GNL3L: variants seen among roughly 807,000 people sequenced by gnomAD.
The protein encoded by GNL3L is G protein nucleolar 3 like.
A neutral mutation model predicts 42.9 loss-of-function variants in GNL3L; 4 were observed. The observed-to-expected ratio is 0.09, with a 90% CI of 0.05 to 0.21. The LOEUF (loss-of-function observed/expected upper bound fraction) is 0.21. GNL3L is among the 10% of genes least tolerant of loss of function. GNL3L has a pLI of 1.00. For synonymous variants in GNL3L, 159 were observed against 176.3 expected, an observed-to-expected ratio of 0.90 and a Z score of 0.78; for missense variants, 412 against 481.7, an observed-to-expected ratio of 0.86 and a Z score of 1.36.
At chrX:54,573,480 A>G (rs1202213422) in intron 16 of GNL3L, among the ~76,000 whole-genome samples, 3 of 108,740 alleles carry the variant, frequency 2.8e-5, no homozygotes, top group Non-Finnish European at 5.7e-5. Flanking sequence ...TCGGCTGGGC[A>G]TGAGAGGGAG....
chrX:54,549,661 G>C (rs914191079), intron 9 of GNL3L, among the ~76,000 whole-genome samples: 2 of 112,611 alleles, frequency 1.8e-5, no homozygotes, highest in Non-Finnish European at 1.9e-5. Context: ...GTTACAGTGA[G>C]TTGAGATCGT....
At chrX:54,579,886 C>T (rs1293632139) in intron 16 of GNL3L, among the ~76,000 whole-genome samples, 1 of 109,756 alleles carries the variant, frequency 9.1e-6, no homozygotes. Flanking sequence ...CCATGTTGGC[C>T]AGGCTCGTCT....
intron 13 of GNL3L, among the ~76,000 whole-genome samples, chrX:54,553,240 C>CCT (rs1174184532): frequency 8.9e-6 from 1 of 111,878 alleles, no homozygotes; most frequent in African/African-American, 3.2e-5. Context: ...GAATGTTTGC[C>CCT]CTCCTCAGAT....
At chrX:54,583,193 A>T (rs1054172485) in intron 16 of GNL3L, among the ~76,000 whole-genome samples, 1 of 110,071 alleles carries the variant, frequency 9.1e-6, no homozygotes, top group Non-Finnish European at 1.9e-5. Flanking sequence ...TATTTATTTT[A>T]TTTATTTATT....
chrX:54,585,954 T>C (rs1024313974), intron 16 of GNL3L, among the ~76,000 whole-genome samples: 3 of 111,796 alleles, frequency 2.7e-5, no homozygotes, highest in Non-Finnish European at 5.6e-5. Flanking sequence ...TTTGTTTCTT[T>C]CAAGATTTTT....
At chrX:54,589,345 AT>A (rs965788167) in intron 16 of GNL3L, among the ~76,000 whole-genome samples, 3 of 108,945 alleles carry the variant, frequency 2.8e-5, no homozygotes, top group Non-Finnish European at 3.8e-5. Context: ...AAATAGTCTT[AT>A]TTTTTTTTGT....
chrX:54,535,573 GTATT>G (rs947692239), intron 2 of GNL3L, among the ~76,000 whole-genome samples: 13 of 111,314 alleles, frequency 1.2e-4, no homozygotes, highest in Non-Finnish European at 1.9e-4. Context: ...AATTAATTCT[GTATT>G]TATCACTTTA....
In GNL3L at chrX:54,607,056, CTT is replaced by C. The variant is rs761671714; in HGVS notation, c.*46-13787_*46-13786del. On this transcript the variant is annotated intron_variant, in intron 16 of 16. Coordinates refer to the GNL3L transcript ENST00000674498. ...TCTTTCTTTCTTTCTTTCTTTCTTT[CTT>C]TCTTTCTTTCTTTCTCTTTCTTTCT... is the stretch of plus-strand genomic sequence containing the variant. Among the ~76,000 whole-genome samples the C allele has an allele frequency of 4.0e-3, 190 of 47,724 alleles. 1 individual carries two copies. The highest frequency in any genetic ancestry group is 5.2e-3 in the Non-Finnish European group (135 of 25,974). The allele number at this position is 47,724 out of a possible 115,157, so 41.4% of individuals were successfully genotyped here.
chrX:54,566,677 A>G lies in GNL3L; in HGVS notation c.*6075A>G, dbSNP rs1330214074. Among the ~76,000 whole-genome samples the G allele has an allele frequency of 1.8e-5, 2 of 112,531 alleles. No individual in the cohort carries two copies. Among genetic ancestry groups the G allele is most frequent in the Admixed American group, 9.4e-5 (1 of 10,619 alleles). On this transcript the variant is annotated 3_prime_UTR_variant, in exon 16 of 16. Coordinates refer to ENST00000360845, the MANE Select transcript of GNL3L (RefSeq NM_001184819.2). ...CTGAGTATTATTCTATTGTGTGTAT[A>G]TACCACATTTTATTTATCCATTCAT... is the stretch of plus-strand genomic sequence containing the variant.
chrX:54,614,228 A>C (rs1486250313), intron 16 of GNL3L, among the ~76,000 whole-genome samples: 1 of 110,806 alleles, frequency 9.0e-6, no homozygotes, highest in East Asian at 2.9e-4. Flanking sequence ...CGCAGATCTC[A>C]CCCAGCTCCC....
intron 5 of GNL3L, 100 bp from the exon 6 acceptor site, chrX:54,542,855 C>A: frequency 2.0e-6 from 1 of 494,094 alleles, no homozygotes; most frequent in Non-Finnish European, 3.6e-6. Context: ...CCAGGACTCA[C>A]ATGATTTTTT....
At chrX:54,540,026 G>A in intron 3 of GNL3L, 109 bp from the exon 4 acceptor site, 1 of 501,875 alleles carries the variant, frequency 2.0e-6, no homozygotes, top group Non-Finnish European at 3.6e-6. Flanking sequence ...GAGATAGAAG[G>A]GGCATTTATG....
At chrX:54,626,891 T>G in the GNL3L span, among the ~76,000 whole-genome samples, 1 of 111,823 alleles carries the variant, frequency 8.9e-6, no homozygotes, top group African/African-American at 3.3e-5. Flanking sequence ...AGTTGTTTGA[T>G]TTCCTTGTAT....
chrX:54,576,203 G>C (rs926393531), intron 16 of GNL3L, among the ~76,000 whole-genome samples: 2 of 111,885 alleles, frequency 1.8e-5, no homozygotes, highest in Non-Finnish European at 3.8e-5. Flanking sequence ...TGGAAAATCT[G>C]TTAGATGGGT....
chrX:54,617,627 G>C (rs1209432939), intron 16 of GNL3L, among the ~76,000 whole-genome samples: 2 of 111,742 alleles, frequency 1.8e-5, no homozygotes, highest in Non-Finnish European at 3.8e-5. Context: ...TAACCTCCAA[G>C]GTGATGGAAT....
rs1924208559 is a variant in GNL3L at position 54,530,383 on chromosome X, G to A, written c.-84G>A. 1.8e-5 allele frequency: 2 copies of A among 111,524 alleles called. No homozygotes were observed. The highest frequency in any genetic ancestry group is 6.5e-5 in the African/African-American group (2 of 30,848). The allele number at this position is 111,524 out of a possible 1,213,427, so 9.2% of individuals were successfully genotyped here. ...GGGCAGTTAGGATCGTCTATTGGAT[G>A]TGAAACCAGAGATGCCCGCCAACCT... On this transcript the variant is annotated 5_prime_UTR_variant, in exon 1 of 16. In the 5' UTR this introduces an upstream ATG that the reference lacks. Transcript: ENST00000360845.
rs759419939 is a variant in GNL3L, at chrX:54,536,555, C to T, written c.20-2485C>T. Among the ~76,000 whole-genome samples the T allele has an allele frequency of 4.2e-3, 458 of 108,793 alleles. 1 individual carries two copies. The highest frequency in any genetic ancestry group is 7.8e-3 in the Non-Finnish European group (408 of 52,048). 94.5% of individuals were successfully genotyped at this position (108,793 alleles called of 115,157 possible). A position where few individuals can be genotyped will look rare whatever the true frequency, so the allele number is the denominator to read the frequency against. On this transcript the variant is annotated intron_variant, in intron 2 of 15. Coordinates refer to ENST00000360845, the MANE Select transcript of GNL3L (RefSeq NM_001184819.2). The stretch of plus-strand genomic sequence containing the variant: ...ATCCCAGCACTTTGGGAGGCCAAGG[C>T]GAGCCAATGACTTGAGGCCAGGAGT...
At chrX:54,591,132 G>T (rs1457777392) in intron 16 of GNL3L, among the ~76,000 whole-genome samples, 1 of 111,282 alleles carries the variant, frequency 9.0e-6, no homozygotes, top group Non-Finnish European at 1.9e-5. Flanking sequence ...TCCCCAGCCT[G>T]AGGTCTTAGA....
chrX:54,642,122 C>CA, the GNL3L span, among the ~76,000 whole-genome samples: 1 of 111,124 alleles, frequency 9.0e-6, no homozygotes, highest in Non-Finnish European at 1.9e-5. Flanking sequence ...AGAGTCTTAA[C>CA]AAAAACAGCC....
Sources: gnomAD v4.1 joint callset for allele counts (sites outside exome capture counted in the v4.1 genomes callset) on GRCh38, gnomAD v4.1.1 for gene constraint, MANE v1.5 for transcripts, NCBI Gene and HGNC (gene_info 2026-07-23, HGNC 2026-07-21) for gene names.